LYSMD2: variants seen among roughly 807,000 people sequenced by gnomAD.
LYSMD2 encodes lysM and putative peptidoglycan-binding domain-containing protein 2.
Under a neutral mutation model 17.7 loss-of-function variants are expected in LYSMD2, and 6 were observed. The observed-to-expected ratio is 0.34, with a 90% confidence interval of 0.19 to 0.67. The LOEUF (loss-of-function observed/expected upper bound fraction) is 0.67, where lower values mean the gene tolerates loss of function less well. Ranked by LOEUF, LYSMD2 falls within the 30% of genes least tolerant of loss-of-function variation. LYSMD2 has a pLI of 0.69. For synonymous variants in LYSMD2, 102 were observed against 129.8 expected (o/e 0.79, Z 1.45); for missense variants, 237 against 286.7 (o/e 0.83, Z 1.25).
At chr15:51,729,468 A>C (rs2055562836) in intron 1 of LYSMD2, among the ~76,000 whole-genome samples, 1 of 152,092 alleles carries the variant, frequency 6.6e-6, no homozygotes, top group Non-Finnish European at 1.5e-5. Context: ...ATTTATTTTT[A>C]TTGTTTTTGA....
upstream of LYSMD2, among the ~76,000 whole-genome samples, chr15:51,738,862 G>T (rs1467830704): frequency 1.3e-5 from 2 of 152,090 alleles, no homozygotes; most frequent in African/African-American, 4.8e-5. Flanking sequence ...ACCTACATTG[G>T]CATTCAAGCT....
At chr15:51,736,248 CCTCTGA>C (rs1371189522) in intron 1 of LYSMD2, among the ~76,000 whole-genome samples, 2 of 152,164 alleles carry the variant, frequency 1.3e-5, no homozygotes, top group Admixed American at 6.5e-5. Flanking sequence ...CTTTCCTCTG[CCTCTGA>C]CTCAAACCAG....
rs1009124901 is a variant in LYSMD2 at position 51,751,184 on chromosome 15, C to T, written c.-1+87G>A. ...TGCTAACTTCCACCTCGCTTACCTC[C>T]TTCCCTCCCTAGGCTGCCAACCCAA... is the stretch of plus-strand genomic sequence containing the variant. On this transcript the variant is annotated intron_variant, in intron 1 of 2. Transcript: ENST00000454181. The T allele has an allele frequency of 1.0e-5, 7 of 687,180 alleles. No individual in the cohort carries two copies. The African/African-American group carries it at 1.1e-4, about 10-fold the overall frequency. 42.6% of individuals were successfully genotyped at this position (687,180 alleles called of 1,614,324 possible). A position where few individuals can be genotyped will look rare whatever the true frequency, so the allele number is the denominator to read the frequency against.
chr15:51,750,961 C>T (rs1021370125), intron 1 of LYSMD2, among the ~76,000 whole-genome samples: 1 of 152,220 alleles, frequency 6.6e-6, no homozygotes, highest in African/African-American at 2.4e-5. Context: ...AAGGAAGGAA[C>T]TTTCACTGAG....
chr15:51,745,399 C>T (rs557022300), intron 1 of LYSMD2, among the ~76,000 whole-genome samples: 28 of 152,188 alleles, frequency 1.8e-4, no homozygotes, highest in African/African-American at 6.7e-4. Context: ...AGATTATATA[C>T]CATGACCAAC....
At chr15:51,749,102 A>C (rs1029481050) in intron 1 of LYSMD2, among the ~76,000 whole-genome samples, 3 of 152,314 alleles carry the variant, frequency 2.0e-5, no homozygotes, top group African/African-American at 7.2e-5. Context: ...TTACATTTTC[A>C]TCTTCTAAAA....
At chr15:51,734,461 C>T (rs749213095) in intron 1 of LYSMD2, among the ~76,000 whole-genome samples, 10 of 152,154 alleles carry the variant, frequency 6.6e-5, no homozygotes, top group Non-Finnish European at 1.5e-4. Context: ...ACCCCCTTGT[C>T]GGAGTCTCTG....
chr15:51,742,982 A>G (rs1229038726), intron 1 of LYSMD2, among the ~76,000 whole-genome samples: 1 of 152,184 alleles, frequency 6.6e-6, no homozygotes, highest in Non-Finnish European at 1.5e-5. Context: ...ACATGCATAC[A>G]TACATACATA....
intron 1 of LYSMD2, among the ~76,000 whole-genome samples, chr15:51,744,383 C>T (rs928018186): frequency 6.6e-6 from 1 of 152,066 alleles, no homozygotes; most frequent in South Asian, 2.1e-4. Context: ...GTTTTTTCTG[C>T]ATCTATTGAT....
At chr15:51,747,168 C>T (rs1006160757) in intron 1 of LYSMD2, among the ~76,000 whole-genome samples, 4 of 151,828 alleles carry the variant, frequency 2.6e-5, no homozygotes, top group Middle Eastern at 3.4e-3. Context: ...CCATTGCACT[C>T]CAGCCTGGGT....
intron 1 of LYSMD2, among the ~76,000 whole-genome samples, chr15:51,734,027 A>G (rs752141957): frequency 2.0e-5 from 3 of 152,134 alleles, no homozygotes; most frequent in Non-Finnish European, 4.4e-5. Context: ...TACTAAAAAT[A>G]CAAAAATTAG....
chr15:51,725,005 G>C lies in LYSMD2; in HGVS notation c.390C>G (p.Ser130=). 1 of 1,614,080 alleles carries C rather than the reference G, an allele frequency of 6.2e-7. No individual in the cohort carries two copies. Among genetic ancestry groups the C allele is most frequent in the Admixed American group, 1.7e-5 (1 of 60,024 alleles). ...EKPLLFNGLN[S]IDSPENETAD... ...CAGTTTCATTTTCTGGAGAATCAAT[G>C]GAGTTAAGTCCATTAAACAACAAAG... Residue 130 remains serine (S), a synonymous_variant, in exon 2 of 3, where the codon TCC becomes TCG. Coordinates refer to ENST00000267838, the MANE Select transcript of LYSMD2 (RefSeq NM_153374.3).
chr15:51,727,220 T>C (rs1027267971), intron 1 of LYSMD2, among the ~76,000 whole-genome samples: 2 of 152,194 alleles, frequency 1.3e-5, no homozygotes, highest in Admixed American at 1.3e-4. Flanking sequence ...TTCTTGGGCT[T>C]ATTCTAAACC....
chr15:51,748,198 G>C (rs1253268005), intron 1 of LYSMD2, among the ~76,000 whole-genome samples: 1 of 145,202 alleles, frequency 6.9e-6, no homozygotes, highest in Non-Finnish European at 1.5e-5. Context: ...TGAACCCAGA[G>C]GTTGCAGTGA....
chr15:51,739,586 A>C (rs1297863045), upstream of LYSMD2, among the ~76,000 whole-genome samples: 1 of 152,172 alleles, frequency 6.6e-6, no homozygotes, highest in Non-Finnish European at 1.5e-5. Flanking sequence ...ATGAGACAGC[A>C]TATAATGTTT....
Position 51,745,312 on chromosome 15 carries a change from G to C in LYSMD2, c.-1+5959C>G, listed in dbSNP as rs369514097. On this transcript the variant is annotated intron_variant, in intron 1 of 2. Coordinates refer to the LYSMD2 transcript ENST00000454181. ...GACATAACAAGAAAAAAAAACTACA[G>C]ACTAATATTTCTTATGAATGTAGAC... 1.3e-4 allele frequency among the ~76,000 whole-genome samples: 19 copies of C among 151,980 alleles called. No homozygotes were observed. The East Asian group carries it at 3.7e-3, about 29-fold the overall frequency.
intron 1 of LYSMD2, among the ~76,000 whole-genome samples, chr15:51,746,380 C>T (rs12442283): frequency 0.017 from 2,539 of 152,146 alleles, 89 homozygotes; most frequent in Admixed American, 0.072. Context: ...ATTCCATTTA[C>T]GTGAAATATC....
upstream of LYSMD2, among the ~76,000 whole-genome samples, chr15:51,742,039 A>AT (rs911539020): frequency 6.9e-4 from 102 of 146,980 alleles, no homozygotes; most frequent in Middle Eastern, 0.014. Flanking sequence ...CCAAAAAGAA[A>AT]TTTTTTTTTT....
intron 1 of LYSMD2, among the ~76,000 whole-genome samples, chr15:51,744,886 A>G (rs1595855109): frequency 1.3e-5 from 2 of 152,256 alleles, no homozygotes; most frequent in East Asian, 3.8e-4. Context: ...CTGACCAAGA[A>G]AAAAAAGAGA....
Sources: allele counts gnomAD v4.1 joint callset (sites outside exome capture counted in the v4.1 genomes callset), GRCh38; gene constraint gnomAD v4.1.1; transcripts MANE v1.5; gene names NCBI Gene and HGNC (gene_info 2026-07-23, HGNC 2026-07-21).